TRPM1: variants seen among roughly 807,000 people sequenced by gnomAD.
TRPM1 encodes the protein TRPM1-203 APA Isoform, Intron 10.
A neutral mutation model predicts 149.4 loss-of-function variants in TRPM1; 113 were observed. The observed-to-expected ratio is 0.76, with a 90% confidence interval of 0.65 to 0.88. The LOEUF is 0.88. TRPM1 is among the 40% of genes least tolerant of loss of function. TRPM1 has a pLI of 0.00. For synonymous variants in TRPM1, 741 were observed against 759.5 expected (o/e 0.98, Z 0.40); for missense variants, 1,976 against 2,038.7 (o/e 0.97, Z 0.59).
At chr15:31,097,096 G>T (rs2035402765) in intron 1 of TRPM1, among the ~76,000 whole-genome samples, 1 of 152,212 alleles carries the variant, frequency 6.6e-6, no homozygotes, top group South Asian at 2.1e-4. Context: ...ATTAGCCAAA[G>T]AGCAATTTTA....
At chr15:31,009,928 T>G (rs2032122630) in intron 27 of TRPM1, among the ~76,000 whole-genome samples, 1 of 152,240 alleles carries the variant, frequency 6.6e-6, no homozygotes, top group African/African-American at 2.4e-5. Flanking sequence ...TAGTTTTCTA[T>G]TAGTTTCCAG....
upstream of TRPM1, among the ~76,000 whole-genome samples, chr15:31,104,754 C>T (rs954770287): frequency 2.6e-5 from 4 of 151,898 alleles, no homozygotes; most frequent in South Asian, 2.1e-4. Flanking sequence ...CCACCACGCC[C>T]GGCCAATTTT....
intron 3 of TRPM1, among the ~76,000 whole-genome samples, chr15:31,076,312 T>C (rs1423714077): frequency 6.6e-6 from 1 of 152,170 alleles, no homozygotes; most frequent in African/African-American, 2.4e-5. Context: ...TGGACGAATG[T>C]ATGGATAAAT....
At chr15:31,083,002 G>A (rs908495242) in intron 1 of TRPM1, among the ~76,000 whole-genome samples, 4 of 152,128 alleles carry the variant, frequency 2.6e-5, no homozygotes, top group Non-Finnish European at 5.9e-5. Flanking sequence ...AGGGGTACAG[G>A]AAGGTGCAGG....
intron 1 of TRPM1, among the ~76,000 whole-genome samples, chr15:31,082,321 C>G (rs2034882662): frequency 6.6e-6 from 1 of 152,200 alleles, no homozygotes; most frequent in South Asian, 2.1e-4. Context: ...TTTAAGAGTG[C>G]TTGTCCCAGC....
chr15:31,030,909 T>C, intron 23 of TRPM1, 74 bp downstream of exon 23: 3 of 1,527,368 alleles, frequency 2.0e-6, no homozygotes, highest in Non-Finnish European at 2.7e-6. Flanking sequence ...TAATACATGT[T>C]CTTCCATTAA....
At chr15:31,088,808 G>GT (rs2035102913) in intron 1 of TRPM1, among the ~76,000 whole-genome samples, 1 of 151,460 alleles carries the variant, frequency 6.6e-6, no homozygotes. Context: ...CTGCTGGGGG[G>GT]ATGCGTCAGA....
chr15:31,078,304 G>A lies in TRPM1; in HGVS notation c.4-1320C>T, dbSNP rs575259658. On this transcript the variant is annotated intron_variant, in intron 2 of 27. Transcript: ENST00000256552. ...TGCAGTGACAACTGCATGTCAGAGAGGCCCTCCGCAGAGAGGTCATGCCGA... is the reference window on the plus strand; with the variant it reads ...TGCAGTGACAACTGCATGTCAGAGAAGCCCTCCGCAGAGAGGTCATGCCGA... Among the ~76,000 whole-genome samples the A allele has an allele frequency of 8.5e-5, 13 of 152,240 alleles. No homozygotes were observed. The East Asian group carries it at 2.3e-3, about 27-fold the overall frequency.
At chr15:31,013,981 C>T (rs1300680952) in intron 27 of TRPM1, among the ~76,000 whole-genome samples, 1 of 152,188 alleles carries the variant, frequency 6.6e-6, no homozygotes, top group Non-Finnish European at 1.5e-5. Flanking sequence ...AGGCAGTTTA[C>T]ATCTTTGCTT....
intron 1 of TRPM1, among the ~76,000 whole-genome samples, chr15:31,147,693 AC>A (rs1289848990): frequency 6.6e-6 from 1 of 152,198 alleles, no homozygotes; most frequent in Non-Finnish European, 1.5e-5. Context: ...GCTGGATGGT[AC>A]CACTCGGGGT....
intron 1 of TRPM1, among the ~76,000 whole-genome samples, chr15:31,115,921 T>A (rs997215783): frequency 6.6e-6 from 1 of 151,950 alleles, no homozygotes; most frequent in Admixed American, 6.6e-5. Flanking sequence ...GCTTGTGTCT[T>A]CATAGACACA....
chr15:31,002,180 A>G lies in TRPM1; in HGVS notation c.4520T>C (p.Ile1507Thr), dbSNP rs768729212. The change falls in exon 28 of 28, where the codon ATT becomes ACT. Residue 1507 changes from isoleucine (I) to threonine (T), a missense_variant. Physicochemically the swap from Ile to Thr is moderately conservative, Grantham distance 89. Coordinates refer to ENST00000256552, the MANE Select transcript of TRPM1 (RefSeq NM_001252024.2). ...QKITRSHSTD[I>T]PYIVSEAAVQ... ...TGCAGCTTCCGACACAATGTAAGGAATATCTGTGCTATGAGAGCGCGTGAT... is the reference window on the plus strand; with the variant it reads ...TGCAGCTTCCGACACAATGTAAGGAGTATCTGTGCTATGAGAGCGCGTGAT... The G allele has an allele frequency of 1.2e-6, 2 of 1,614,246 alleles. No homozygotes were observed. Among genetic ancestry groups the G allele is most frequent in the South Asian group, 1.1e-5 (1 of 91,088 alleles).
intron 1 of TRPM1, among the ~76,000 whole-genome samples, chr15:31,107,507 T>C (rs935921353): frequency 6.6e-5 from 10 of 152,192 alleles, no homozygotes; most frequent in African/African-American, 2.4e-4. Flanking sequence ...TTCCAGGGAA[T>C]CAACTTTTGG....
chr15:31,037,104 C>T (rs56151136), intron 20 of TRPM1, among the ~76,000 whole-genome samples: 1 of 152,228 alleles, frequency 6.6e-6, no homozygotes, highest in Non-Finnish European at 1.5e-5. Flanking sequence ...TCGGCCATTT[C>T]CCCCAGAGGC....
At position 31,046,477 on chromosome 15, in the gene TRPM1, G is replaced by A. The variant is rs139863772; in HGVS notation, c.1765-244C>T. Reference sequence around the variant, plus strand: ...GGCCCTTATTCCAGGTAGAAACCGAGAAGTTCCCTAATAGACATGTAGAGA... The same window carrying A: ...GGCCCTTATTCCAGGTAGAAACCGAAAAGTTCCCTAATAGACATGTAGAGA... On this transcript the variant is annotated intron_variant, in intron 15 of 27. Transcript: ENST00000256552. Among the ~76,000 whole-genome samples, 99 of 152,342 alleles carry A rather than the reference G, an allele frequency of 6.5e-4. 1 individual carries two copies. The highest frequency in any genetic ancestry group is 6.8e-3 in the Middle Eastern group (2 of 294).
intron 1 of TRPM1, among the ~76,000 whole-genome samples, chr15:31,100,785 A>G (rs2035497996): frequency 6.6e-6 from 1 of 152,118 alleles, no homozygotes; most frequent in African/African-American, 2.4e-5. Context: ...TGACTGCGTG[A>G]TGTTTCATCC....
chr15:31,123,991 A>G (rs2035912198), intron 1 of TRPM1, among the ~76,000 whole-genome samples: 1 of 152,244 alleles, frequency 6.6e-6, no homozygotes, highest in Admixed American at 6.5e-5. Context: ...AGCATTATTC[A>G]GTGCTAAAAA....
intron 11 of TRPM1, among the ~76,000 whole-genome samples, chr15:31,054,680 C>G (rs1233778620): frequency 6.6e-6 from 1 of 152,104 alleles, no homozygotes; most frequent in Non-Finnish European, 1.5e-5. Context: ...TAGCAAATGA[C>G]AAATTGTATA....
intron 13 of TRPM1, among the ~76,000 whole-genome samples, chr15:31,048,566 C>A (rs1431127248): frequency 2.0e-5 from 3 of 152,172 alleles, no homozygotes; most frequent in Non-Finnish European, 4.4e-5. Flanking sequence ...TATCCCAGCA[C>A]TTTGGGAGGC....
Sources: gnomAD v4.1 joint callset for allele counts (sites outside exome capture counted in the v4.1 genomes callset) on GRCh38, gnomAD v4.1.1 for gene constraint, MANE v1.5 for transcripts, NCBI Gene and HGNC (gene_info 2026-07-23, HGNC 2026-07-21) for gene names.